MS4A6A: variants seen among roughly 807,000 people sequenced by gnomAD.
The protein encoded by MS4A6A is membrane-spanning 4-domains subfamily A member 6A.
MS4A6A carries 19 observed loss-of-function variants against 20.6 expected under a neutral mutation model. That is an observed-to-expected ratio of 0.92 (90% CI 0.64 to 1.36). The LOEUF (loss-of-function observed/expected upper bound fraction) is 1.36, where lower values mean the gene tolerates loss of function less well. MS4A6A is among the 40% of genes most tolerant of loss of function. The pLI, the probability that MS4A6A is intolerant of heterozygous loss-of-function variation, is 0.00. For synonymous variants in MS4A6A, 108 were observed against 105.0 expected (o/e 1.03, Z -0.17); for missense variants, 272 against 261.1 (o/e 1.04, Z -0.29).
At chr11:60,180,141 G>C (rs1857057716) in intron 2 of MS4A6A, 176 bp from the exon 3 acceptor site, 16 of 653,018 alleles carry the variant, frequency 2.5e-5, no homozygotes, top group Non-Finnish European at 4.1e-5. Context: ...AGGGTGTGCA[G>C]CTCTGCCACA....
At chr11:60,178,446 C>A in intron 3 of MS4A6A, 130 bp from the exon 4 acceptor site, 6 of 633,986 alleles carry the variant, frequency 9.5e-6, no homozygotes, top group Non-Finnish European at 1.7e-5. Flanking sequence ...AGGTAAGTTC[C>A]ATTTAAATAC....
At chr11:60,183,256 G>A, upstream of MS4A6A, 2 of 1,351,374 alleles carry the variant, frequency 1.5e-6, no homozygotes, top group East Asian at 2.5e-5. Flanking sequence ...GGAGCCTTAT[G>A]TGTGAATTGC....
chr11:60,172,376 C>T, downstream of MS4A6A: 2 of 1,444,088 alleles, frequency 1.4e-6, no homozygotes, highest in Non-Finnish European at 9.1e-7. Flanking sequence ...TAGAGCATAT[C>T]ACCAGGTTCT....
intron 5 of MS4A6A, 64 bp from the exon 6 acceptor site, chr11:60,173,193 A>T (rs1385660430): frequency 1.4e-6 from 2 of 1,430,004 alleles, no homozygotes; most frequent in African/African-American, 1.4e-5. Flanking sequence ...TGCCTAGTTG[A>T]GAGGTGACCA....
chr11:60,173,157 G>C lies in MS4A6A; in HGVS notation c.550-28C>G, dbSNP rs760222721. ...GAAAGTCAAGAAATAAAAGATTGAT[G>C]TTGCTTAGGTCAGCTGAAGCCTTCA... On this transcript the variant is annotated intron_variant, in intron 5 of 5. Transcript: ENST00000528851. The C allele has an allele frequency of 3.1e-6, 5 of 1,602,840 alleles. No individual in the cohort carries two copies. The African/African-American group carries it at 5.4e-5, about 17-fold the overall frequency.
Position 60,179,687 on chromosome 11 carries a change from C to T in MS4A6A, c.282+144G>A, listed in dbSNP as rs546786727. 1,821 of 898,626 alleles carry T rather than the reference C, an allele frequency of 2.0e-3. 8 individuals are homozygous for T. The highest frequency in any genetic ancestry group is 3.0e-3 in the Non-Finnish European group (1,625 of 540,574). The allele number at this position is 898,626 out of a possible 1,614,324, so 55.7% of individuals were successfully genotyped here. A position where few individuals can be genotyped will look rare whatever the true frequency, so the allele number is the denominator to read the frequency against. On this transcript the variant is annotated intron_variant, in intron 3 of 5. Transcript: ENST00000528851. Reference sequence around the variant, plus strand: ...CTAAAATCAAGCAACCCCTGTCATCCTACCCGACAGGAGAACAAGATTCAC... The same window carrying T: ...CTAAAATCAAGCAACCCCTGTCATCTTACCCGACAGGAGAACAAGATTCAC...
chr11:60,174,560 G>A (rs749546205), intron 5 of MS4A6A, among the ~76,000 whole-genome samples: 3 of 152,000 alleles, frequency 2.0e-5, no homozygotes, highest in Non-Finnish European at 2.9e-5. Flanking sequence ...ACCTGACCTC[G>A]TGATCCATGC....
At chr11:60,180,016 C>T in intron 2 of MS4A6A, 51 bp from the exon 3 acceptor site, 2 of 1,590,004 alleles carry the variant, frequency 1.3e-6, no homozygotes, top group Non-Finnish European at 1.7e-6. Flanking sequence ...TTTGTAAAGA[C>T]AGGGCCTTTT....
chr11:60,172,444 G>C, downstream of MS4A6A: 1 of 1,281,808 alleles, frequency 7.8e-7, no homozygotes, highest in Middle Eastern at 3.0e-4. Context: ...ATACAATTTT[G>C]GATAAATCAA....
At chr11:60,181,887 C>T (rs1378606465) in intron 1 of MS4A6A, 146 bp from the exon 2 acceptor site, 7 of 784,780 alleles carry the variant, frequency 8.9e-6, no homozygotes, top group Non-Finnish European at 1.4e-5. Flanking sequence ...ACAGTGAAAA[C>T]CACACAATCT....
rs748375295 is a variant in MS4A6A at position 60,175,353 on chromosome 11, G to A, written c.549+49C>T. The A allele has an allele frequency of 2.1e-6, 3 of 1,425,206 alleles. No individual in the cohort carries two copies. In the Admixed American group the frequency reaches 5.5e-5, roughly 26 times the overall value. The allele number at this position is 1,425,206 out of a possible 1,614,324, so 88.3% of individuals were successfully genotyped here. On this transcript the variant is annotated intron_variant, in intron 5 of 5. Transcript: ENST00000528851. ...AAAGAAGGAATAACAAGAAATCAAG[G>A]CTTTTGAATACCTCATAAGATTAGA... is the stretch of plus-strand genomic sequence containing the variant.
At chr11:60,172,413 G>A (rs1856625000), downstream of MS4A6A, 3 of 1,381,390 alleles carry the variant, frequency 2.2e-6, no homozygotes, top group Admixed American at 3.0e-5. Context: ...TATCACCCTA[G>A]TATTCATTCT....
At chr11:60,172,397 G>A, downstream of MS4A6A, 2 of 1,402,646 alleles carry the variant, frequency 1.4e-6, no homozygotes, top group East Asian at 2.5e-5. Context: ...TCAAATAATT[G>A]CAATTTATCA....
downstream of MS4A6A, chr11:60,172,032 T>G (rs781074117): frequency 3.3e-6 from 3 of 912,338 alleles, no homozygotes; most frequent in Non-Finnish European, 4.8e-6. Flanking sequence ...AAATAATGGT[T>G]TTTTTTAATG....
intron 5 of MS4A6A, among the ~76,000 whole-genome samples, chr11:60,173,636 G>A (rs1277773030): frequency 6.6e-6 from 1 of 152,206 alleles, no homozygotes; most frequent in Non-Finnish European, 1.5e-5. Context: ...CAAGTCCTTT[G>A]TAAAATTTAG....
intron 3 of MS4A6A, chr11:60,178,716 T>A (rs1333824731): frequency 2.7e-6 from 1 of 374,858 alleles, no homozygotes; most frequent in Non-Finnish European, 5.1e-6. Flanking sequence ...CCCAACCACA[T>A]AATCAAGGTT....
chr11:60,178,796 C>T, intron 3 of MS4A6A: 1 of 440,040 alleles, frequency 2.3e-6, no homozygotes, highest in Non-Finnish European at 4.5e-6. Context: ...TGCTTTACCT[C>T]ATCATCACCA....
At chr11:60,171,632 C>A (rs1242732895), downstream of MS4A6A, among the ~76,000 whole-genome samples, 3 of 152,132 alleles carry the variant, frequency 2.0e-5, no homozygotes, top group East Asian at 1.9e-4. Flanking sequence ...TATTTTGAAG[C>A]CAGCTACTTT....
chr11:60,176,730 A>G (rs910044676), intron 4 of MS4A6A, among the ~76,000 whole-genome samples: 1 of 152,094 alleles, frequency 6.6e-6, no homozygotes, highest in Non-Finnish European at 1.5e-5. Flanking sequence ...TAGAGTCTAT[A>G]TTTCTTAGAA....
Sources: gnomAD v4.1 joint callset for allele counts (sites outside exome capture counted in the v4.1 genomes callset) on GRCh38, gnomAD v4.1.1 for gene constraint, MANE v1.5 for transcripts, NCBI Gene and HGNC (gene_info 2026-07-23, HGNC 2026-07-21) for gene names.